The following ROCK1 variants were observed in gnomAD, a reference collection of about 807,000 sequenced individuals.
ROCK1 encodes Rho associated coiled-coil containing protein kinase 1, also known as rho-associated protein kinase 1.
In ROCK1, 36 loss-of-function variants were observed where a neutral mutation model predicts 196.8. The ratio of observed to expected loss-of-function variants is 0.18; its 90% CI spans 0.14 to 0.24. The LOEUF (loss-of-function observed/expected upper bound fraction) is 0.24, where lower values mean the gene tolerates loss of function less well. ROCK1 is among the 10% of genes least tolerant of loss of function. The probability of loss-of-function intolerance (pLI) is 1.00; values close to 1 mark genes in which losing one functional copy is unlikely to be tolerated. For missense variants in ROCK1, 920 were observed against 1,562.0 expected (o/e 0.59, Z 6.93); for synonymous variants, 443 against 515.9 (o/e 0.86, Z 1.91).
At chr18:21,087,413 C>G (rs1309640145) in intron 1 of ROCK1, among the ~76,000 whole-genome samples, 1 of 151,580 alleles carries the variant, frequency 6.6e-6, no homozygotes, top group African/African-American at 2.4e-5. Flanking sequence ...TAAACATGAC[C>G]CATCCACAGA....
chr18:21,040,893 C>T (rs567256578), intron 8 of ROCK1, among the ~76,000 whole-genome samples: 3 of 150,570 alleles, frequency 2.0e-5, no homozygotes, highest in Admixed American at 6.6e-5. Flanking sequence ...GGGAGGCCAA[C>T]GCAGGCAGAT....
intron 18 of ROCK1, among the ~76,000 whole-genome samples, chr18:20,989,905 A>G (rs2143404307): frequency 6.6e-6 from 1 of 152,216 alleles, no homozygotes; most frequent in South Asian, 2.1e-4. Context: ...GAAACTTAAG[A>G]TAAATAAAAA....
chr18:21,023,743 C>T lies in ROCK1; in HGVS notation c.1212-63G>A, dbSNP rs945805678. 8.1e-6 allele frequency: 7 copies of T among 867,892 alleles called. No homozygotes were observed. The African/African-American group carries it at 1.0e-4, about 13-fold the overall frequency. 53.8% of individuals were successfully genotyped at this position (867,892 alleles called of 1,614,324 possible). ...AAAACTCTGTAATATCCCATGACAACCAATAATAAATACTACACGCCTATT... is the reference window on the plus strand; with the variant it reads ...AAAACTCTGTAATATCCCATGACAATCAATAATAAATACTACACGCCTATT... On this transcript the variant is annotated intron_variant, in intron 10 of 32. Transcript: ENST00000399799.
Position 20,982,813 on chromosome 18 carries a change from C to A in ROCK1, c.2509G>T (p.Gly837Ter). 6.4e-7 allele frequency: 1 copy of A among 1,562,962 alleles called. No individual in the cohort carries two copies. The highest frequency in any genetic ancestry group is 1.4e-5 in the African/African-American group (1 of 73,792). ...QLTKQYRGNE[G>*]QMRELQDQLE... The stretch of plus-strand genomic sequence containing the variant: ...TGATCTTGTAGCTCCCGCATCTGTC[C>A]TTCATTTCCTCTATACTGTCTTCAG... Residue 837 changes from glycine to a stop codon, truncating the protein, a stop_gained, in exon 21 of 33, where the codon GGA becomes TGA. Coordinates refer to ENST00000399799, the MANE Select transcript of ROCK1 (RefSeq NM_005406.3). LOFTEE classifies it high-confidence loss of function.
chr18:21,082,628 C>A (rs1002688928), intron 1 of ROCK1, among the ~76,000 whole-genome samples: 2 of 152,088 alleles, frequency 1.3e-5, no homozygotes, highest in Non-Finnish European at 2.9e-5. Context: ...AAATTCAACA[C>A]CCTCTCATAA....
chr18:21,058,312 G>A (rs2036261197), intron 2 of ROCK1, among the ~76,000 whole-genome samples: 2 of 152,004 alleles, frequency 1.3e-5, no homozygotes, highest in South Asian at 4.2e-4. Flanking sequence ...CCTACCCTAA[G>A]ATCCTAGATT....
chr18:20,968,865 C>T lies in ROCK1; in HGVS notation c.2915-5G>A, dbSNP rs200774703. 27 of 1,541,298 alleles carry T rather than the reference C, an allele frequency of 1.8e-5. No homozygotes were observed. In the East Asian group the frequency reaches 6.1e-4, roughly 35 times the overall value. On this transcript the variant is annotated splice_polypyrimidine_tract_variant and splice_region_variant and intron_variant, in intron 24 of 32. Transcript: ENST00000399799. Reference sequence around the variant, plus strand: ...CCTCCTTCTCCAGTTTATATTCTGTCAACAAATTATATTAAATGTTATTGT... The same window carrying T: ...CCTCCTTCTCCAGTTTATATTCTGTTAACAAATTATATTAAATGTTATTGT...
Position 21,069,943 on chromosome 18 carries a change from T to C in ROCK1, c.175+589A>G, listed in dbSNP as rs1364782546. ...CAAAGTATAGAAGTGATTTAAAAAA[T>C]CAAAAAGATATGACTATTTAGAAAA... On this transcript the variant is annotated intron_variant, in intron 2 of 32. Transcript: ENST00000399799. 4.6e-5 allele frequency among the ~76,000 whole-genome samples: 7 copies of C among 151,892 alleles called. No individual in the cohort carries two copies. The East Asian group carries it at 1.4e-3, about 29-fold the overall frequency.
At chr18:21,067,939 C>A (rs934585015) in intron 2 of ROCK1, among the ~76,000 whole-genome samples, 2 of 152,098 alleles carry the variant, frequency 1.3e-5, no homozygotes, top group African/African-American at 4.8e-5. Flanking sequence ...GTACGGATAT[C>A]CAGTTGTCTG....
Position 21,074,555 on chromosome 18 carries a change from TG to T in ROCK1, c.94-3943del, listed in dbSNP as rs1372436185. ...CTTTGCACCTGCTCTATTCTCCCGC[TG>T]GAATGTGAACATTCTTACATTAAGA... On this transcript the variant is annotated intron_variant, in intron 1 of 32. Transcript: ENST00000399799. 2.0e-5 allele frequency among the ~76,000 whole-genome samples: 3 copies of T among 152,214 alleles called. No individual in the cohort carries two copies. In the East Asian group the frequency reaches 5.8e-4, roughly 29 times the overall value.
chr18:21,007,976 T>A, intron 14 of ROCK1, 83 bp downstream of exon 14: 1 of 1,004,826 alleles, frequency 1.0e-6, no homozygotes, highest in African/African-American at 1.7e-5. Flanking sequence ...TAGCTTCATG[T>A]ATGTATCATG....
At chr18:21,078,059 T>C (rs1598554725) in intron 1 of ROCK1, among the ~76,000 whole-genome samples, 1 of 152,180 alleles carries the variant, frequency 6.6e-6, no homozygotes, top group East Asian at 1.9e-4. Context: ...CCAGGCACAG[T>C]GGCTCATGCC....
At chr18:21,013,441 G>A (rs2035835124) in intron 13 of ROCK1, among the ~76,000 whole-genome samples, 2 of 152,178 alleles carry the variant, frequency 1.3e-5, no homozygotes, top group South Asian at 4.1e-4. Context: ...TGCTCCTTAT[G>A]TGGCCCCCAC....
chr18:20,984,397 A>G lies in ROCK1; in HGVS notation c.2443T>C (p.Leu815=). 6.2e-7 allele frequency: 1 copy of G among 1,611,388 alleles called. No individual in the cohort carries two copies. Among genetic ancestry groups the G allele is most frequent in the Non-Finnish European group, 8.5e-7 (1 of 1,179,014 alleles). ...AATTCTAATAATCTCTTTGCTTCCA[A>G]TAAAGTATTTATTTCCTGTTTCATC... The part of the protein sequence containing the change: ...KQMKQEINTL[L]EAKRLLEFEL... Residue 815 remains leucine (L), a synonymous_variant, in exon 20 of 33, where the codon TTG becomes CTG. Coordinates refer to ENST00000399799, the MANE Select transcript of ROCK1 (RefSeq NM_005406.3).
Position 21,006,750 on chromosome 18 carries a change from G to A in ROCK1, c.1587C>T (p.Val529=). Residue 529 remains valine, a synonymous_variant, in exon 15 of 33, where the codon GTC becomes GTT. Coordinates refer to ENST00000399799, the MANE Select transcript of ROCK1 (RefSeq NM_005406.3). ...CATTAGCAAGCTGTGAATTCTGACT[G>A]ACTTTCTTTAAGTCTTCCAACTGAT... The part of the protein sequence containing the change: ...LKDQLEDLKK[V]SQNSQLANEK... 1 of 1,606,126 alleles carries A rather than the reference G, an allele frequency of 6.2e-7. No individual in the cohort carries two copies. Among genetic ancestry groups the A allele is most frequent in the Non-Finnish European group, 8.5e-7 (1 of 1,177,582 alleles).
At chr18:21,036,947 A>T (rs926953949) in intron 9 of ROCK1, among the ~76,000 whole-genome samples, 2 of 152,180 alleles carry the variant, frequency 1.3e-5, no homozygotes, top group African/African-American at 4.8e-5. Flanking sequence ...TTAACTGCCA[A>T]CAATTGTCAA....
In ROCK1 at chr18:20,947,707, T is replaced by TA. The variant is rs1296067842; in HGVS notation, c.*3676dup. ...CAACTTTAAAAATCATTTGTTTATT[T>TA]AAAAAAACCATTTCCGTTTATTCAT... On this transcript the variant is annotated 3_prime_UTR_variant, in exon 33 of 33. Coordinates refer to ENST00000399799, the MANE Select transcript of ROCK1 (RefSeq NM_005406.3). The TA allele has an allele frequency of 1.3e-5, 2 of 152,230 alleles. No individual in the cohort carries two copies. Among genetic ancestry groups the TA allele is most frequent in the South Asian group, 2.1e-4 (1 of 4,816 alleles). 9.4% of individuals were successfully genotyped at this position (152,230 alleles called of 1,614,324 possible). A position where few individuals can be genotyped will look rare whatever the true frequency, so the allele number is the denominator to read the frequency against.
At chr18:21,081,991 G>A (rs1241173699) in intron 1 of ROCK1, among the ~76,000 whole-genome samples, 3 of 152,078 alleles carry the variant, frequency 2.0e-5, no homozygotes, top group Non-Finnish European at 4.4e-5. Context: ...TCACTCTGTT[G>A]CCCAGGGTGA....
At chr18:21,012,005 G>A (rs933965122) in intron 13 of ROCK1, among the ~76,000 whole-genome samples, 25 of 152,140 alleles carry the variant, frequency 1.6e-4, no homozygotes, top group African/African-American at 5.8e-4. Flanking sequence ...GTGCAGTGGT[G>A]CGCTTGGCTC....
Sources: allele counts gnomAD v4.1 joint callset (sites outside exome capture counted in the v4.1 genomes callset), GRCh38; gene constraint gnomAD v4.1.1; transcripts MANE v1.5; gene names NCBI Gene and HGNC (gene_info 2026-07-23, HGNC 2026-07-21).